Variants in SLC30A3 observed in about 807,000 individuals in gnomAD.
SLC30A3 encodes the protein probable proton-coupled zinc antiporter SLC30A3.
SLC30A3 carries 20 observed loss-of-function variants against 35.6 expected under a neutral mutation model. The ratio of observed to expected loss-of-function variants is 0.56; its 90% CI spans 0.39 to 0.82. The LOEUF is 0.82. Ranked by LOEUF, SLC30A3 falls within the 40% of genes least tolerant of loss-of-function variation. The probability of loss-of-function intolerance (pLI) is 0.00; values close to 1 mark genes in which losing one functional copy is unlikely to be tolerated. For missense variants in SLC30A3, 401 were observed against 530.6 expected, an observed-to-expected ratio of 0.76 and a Z score of 2.40; for synonymous variants, 217 against 224.7, an observed-to-expected ratio of 0.97 and a Z score of 0.31.
upstream of SLC30A3, chr2:27,264,122 G>A (rs1476604289): frequency 6.6e-6 from 8 of 1,206,756 alleles, no homozygotes; most frequent in African/African-American, 1.6e-5. The surrounding 1 kb of genome is among the most constrained non-coding windows in gnomAD (Gnocchi z 6.1). Context: ...TTGTGCACTC[G>A]AAGCTGTGAC....
intron 7 of SLC30A3, 129 bp downstream of exon 7, chr2:27,256,253 TGAGA>T (rs139393899): frequency 1.3e-5 from 13 of 1,034,944 alleles, no homozygotes; most frequent in African/African-American, 9.5e-5. Flanking sequence ...TGTGTCTATG[TGAGA>T]GAGAGAGACA....
upstream of SLC30A3, chr2:27,264,214 G>A (rs1431788108): frequency 1.1e-5 from 5 of 466,980 alleles, no homozygotes; most frequent in Non-Finnish European, 1.6e-5. This position sits in a 1 kb window ranked among gnomAD's most constrained non-coding sequence, Gnocchi z 6.1. Context: ...AATGGTTAGT[G>A]AGCCCAGGCA....
Position 27,257,014 on chromosome 2 carries a change from A to G in SLC30A3, c.778-121T>C. ...AAACCCTGAAGAGGGGACAGGGAACATGACTCATGTCTGGGAGAGTCCTGG... is the reference window on the plus strand; with the variant it reads ...AAACCCTGAAGAGGGGACAGGGAACGTGACTCATGTCTGGGAGAGTCCTGG... On this transcript the variant is annotated intron_variant, in intron 5 of 7. Coordinates refer to ENST00000233535, the MANE Select transcript of SLC30A3 (RefSeq NM_003459.5). This position sits in a 1 kb window ranked among gnomAD's most constrained non-coding sequence, Gnocchi z 4.7. 8.9e-7 allele frequency: 1 copy of G among 1,122,944 alleles called. No individual in the cohort carries two copies. Among genetic ancestry groups the G allele is most frequent in the South Asian group, 1.3e-5 (1 of 77,864 alleles). The allele number at this position is 1,122,944 out of a possible 1,614,324, so 69.6% of individuals were successfully genotyped here. A position where few individuals can be genotyped will look rare whatever the true frequency, so the allele number is the denominator to read the frequency against.
Position 27,257,464 on chromosome 2 carries a change from G to T in SLC30A3, c.579-112C>A. ...CTTTCCCAGCCCCTGGAAGAAAACAGCATTTTGCAAGAGAGATAAACAATG... is the reference window on the plus strand; with the variant it reads ...CTTTCCCAGCCCCTGGAAGAAAACATCATTTTGCAAGAGAGATAAACAATG... On this transcript the variant is annotated intron_variant, in intron 4 of 7. Coordinates refer to ENST00000233535, the MANE Select transcript of SLC30A3 (RefSeq NM_003459.5). This position sits in a 1 kb window ranked among gnomAD's most constrained non-coding sequence, Gnocchi z 4.7. The T allele has an allele frequency of 9.6e-7, 1 of 1,040,582 alleles. No homozygotes were observed. 64.5% of individuals were successfully genotyped at this position (1,040,582 alleles called of 1,614,324 possible). A position where few individuals can be genotyped will look rare whatever the true frequency, so the allele number is the denominator to read the frequency against.
chr2:27,265,329 T>A (rs965385527), upstream of SLC30A3, among the ~76,000 whole-genome samples: 6 of 152,318 alleles, frequency 3.9e-5, no homozygotes, highest in Middle Eastern at 0.01. The surrounding 1 kb of genome is among the most constrained non-coding windows in gnomAD (Gnocchi z 5.9). Context: ...GCGGTGGGAA[T>A]ACCAACCTTC....
chr2:27,257,531 G>A lies in SLC30A3; in HGVS notation c.579-179C>T. On this transcript the variant is annotated intron_variant, in intron 4 of 7. Coordinates refer to ENST00000233535, the MANE Select transcript of SLC30A3 (RefSeq NM_003459.5). This position sits in a 1 kb window ranked among gnomAD's most constrained non-coding sequence, Gnocchi z 4.7. The stretch of plus-strand genomic sequence containing the variant: ...ATACCAGACTTGGTGCCACACATGT[G>A]GATTCGGAAGCTGGCCCTGTTACTT... The A allele has an allele frequency of 1.5e-6, 1 of 653,380 alleles. No homozygotes were observed. Among genetic ancestry groups the A allele is most frequent in the Non-Finnish European group, 2.7e-6 (1 of 374,534 alleles). 40.5% of individuals were successfully genotyped at this position (653,380 alleles called of 1,614,324 possible).
intron 1 of SLC30A3, among the ~76,000 whole-genome samples, chr2:27,268,710 G>A (rs7572958): frequency 0.12 from 18,062 of 150,802 alleles, 3,123 homozygotes; most frequent in African/African-American, 0.39. Context: ...GTGACAGAGC[G>A]AGACTCTGTC....
At position 27,255,465 on chromosome 2, in the gene SLC30A3, G is replaced by A; in HGVS notation, c.1019-5C>T. ...CTTCAGGGTCAGCGGTGGAGTCTGTGGGAGAGTGATAAGAGGCGGCATCCA... is the reference window on the plus strand; with the variant it reads ...CTTCAGGGTCAGCGGTGGAGTCTGTAGGAGAGTGATAAGAGGCGGCATCCA... On this transcript the variant is annotated splice_region_variant and splice_polypyrimidine_tract_variant and intron_variant, in intron 7 of 7. Transcript: ENST00000233535. This position sits in a 1 kb window ranked among gnomAD's most constrained non-coding sequence, Gnocchi z 5.2. 6.2e-7 allele frequency: 1 copy of A among 1,612,568 alleles called. No homozygotes were observed. Among genetic ancestry groups the A allele is most frequent in the Non-Finnish European group, 8.5e-7 (1 of 1,179,572 alleles).
At chr2:27,274,070 C>T (rs1237739119) in intron 1 of SLC30A3, among the ~76,000 whole-genome samples, 1 of 152,250 alleles carries the variant, frequency 6.6e-6, no homozygotes, top group East Asian at 1.9e-4. Context: ...CGCCTGTAAT[C>T]CCAGCACTTT....
At chr2:27,256,733 C>A (rs773943465) in intron 6 of SLC30A3, 55 bp downstream of exon 6, 3 of 1,386,794 alleles carry the variant, frequency 2.2e-6, no homozygotes, top group Non-Finnish European at 3.0e-6. Context: ...TGGCCCACTG[C>A]GAGAGTAAAG....
chr2:27,269,243 G>C (rs1202794392), intron 1 of SLC30A3, among the ~76,000 whole-genome samples: 2 of 121,096 alleles, frequency 1.7e-5, no homozygotes, highest in Admixed American at 2.2e-4. Flanking sequence ...GTCTTGCTCT[G>C]TTGCGAGGCT....
chr2:27,269,268 C>T (rs912560301), intron 1 of SLC30A3, among the ~76,000 whole-genome samples: 16 of 146,498 alleles, frequency 1.1e-4, no homozygotes, highest in Admixed American at 9.2e-4. Context: ...TGCAGTGGCA[C>T]GATCTCGGCT....
At chr2:27,269,450 G>A (rs567970442) in intron 1 of SLC30A3, among the ~76,000 whole-genome samples, 2 of 151,930 alleles carry the variant, frequency 1.3e-5, no homozygotes, top group African/African-American at 2.4e-5. Context: ...CTCGTGATCC[G>A]CCTGCCTCAG....
intron 1 of SLC30A3, among the ~76,000 whole-genome samples, chr2:27,273,430 C>T (rs982400665): frequency 6.6e-6 from 1 of 152,228 alleles, no homozygotes; most frequent in Non-Finnish European, 1.5e-5. Context: ...ATAAGTGAAC[C>T]TCTAATGCCT....
upstream of SLC30A3, among the ~76,000 whole-genome samples, chr2:27,267,119 C>T (rs1295811449): frequency 6.6e-6 from 1 of 152,122 alleles, no homozygotes; most frequent in African/African-American, 2.4e-5. Context: ...GTAACTCCAT[C>T]CTCCCATCTG....
At position 27,254,751 on chromosome 2, in the gene SLC30A3, G is replaced by GAA. The variant is rs1676736878; in HGVS notation, c.*560_*561insTT. ...TAGGCACAGAGACACACAGGCCACA[G>GAA]CACCAAGAACACACACACACACACA... On this transcript the variant is annotated 3_prime_UTR_variant, in exon 8 of 8. Coordinates refer to ENST00000233535, the MANE Select transcript of SLC30A3 (RefSeq NM_003459.5). 4.7e-6 allele frequency: 1 copy of GAA among 211,748 alleles called. No individual in the cohort carries two copies. Among genetic ancestry groups the GAA allele is most frequent in the Admixed American group, 5.6e-5 (1 of 17,794 alleles). 13.1% of individuals were successfully genotyped at this position (211,748 alleles called of 1,614,324 possible).
chr2:27,272,302 T>C (rs1033408636), intron 1 of SLC30A3, among the ~76,000 whole-genome samples: 5 of 152,134 alleles, frequency 3.3e-5, no homozygotes, highest in African/African-American at 1.2e-4. Context: ...GCTAAGTGCT[T>C]CTGTCCCAGG....
Position 27,262,793 on chromosome 2 carries a change from C to A in SLC30A3, c.95+19G>T. ...AGGGTGGCGCCCCCGGGCCGAGGGC[C>A]AGCCCAGGTCTGTCCTACCTCTTCA... On this transcript the variant is annotated intron_variant, in intron 1 of 7. Coordinates refer to ENST00000233535, the MANE Select transcript of SLC30A3 (RefSeq NM_003459.5). This position sits in a 1 kb window ranked among gnomAD's most constrained non-coding sequence, Gnocchi z 7.5. The A allele has an allele frequency of 6.5e-7, 1 of 1,535,166 alleles. No homozygotes were observed. The highest frequency in any genetic ancestry group is 2.7e-5 in the East Asian group (1 of 37,000).
In SLC30A3 at chr2:27,258,078, C is replaced by A. The variant is rs780729404; in HGVS notation, c.425-20G>T. 5.0e-6 allele frequency: 8 copies of A among 1,613,306 alleles called. No individual in the cohort carries two copies. The highest frequency in any genetic ancestry group is 1.1e-5 in the South Asian group (1 of 91,078). On this transcript the variant is annotated intron_variant, in intron 3 of 7. Coordinates refer to ENST00000233535, the MANE Select transcript of SLC30A3 (RefSeq NM_003459.5). The surrounding 1 kb of genome is among the most constrained non-coding windows in gnomAD (Gnocchi z 4.0). ...GAGTCTCTGCGGGTGGGGGGGGAGACAAGCTGTCAGAGACCTGCTTGGGAC... is the reference window on the plus strand; with the variant it reads ...GAGTCTCTGCGGGTGGGGGGGGAGAAAAGCTGTCAGAGACCTGCTTGGGAC...
Sources: gnomAD v4.1 joint callset for allele counts (sites outside exome capture counted in the v4.1 genomes callset) on GRCh38, gnomAD v4.1.1 for gene constraint, Gnocchi (gnomAD v3.1) non-coding constraint, MANE v1.5 for transcripts, NCBI Gene and HGNC (gene_info 2026-07-23, HGNC 2026-07-21) for gene names.